Variants in PCDHGA6 observed in about 807,000 individuals in gnomAD.
The protein encoded by PCDHGA6 is protocadherin gamma subfamily A, 6.
A neutral mutation model predicts 60.6 loss-of-function variants in PCDHGA6; 41 were observed. That is an observed-to-expected ratio of 0.68 (90% CI 0.53 to 0.88). The LOEUF (loss-of-function observed/expected upper bound fraction) is 0.88, where lower values mean the gene tolerates loss of function less well. Among genes scored for constraint, PCDHGA6 ranks in the 40% least tolerant of loss-of-function variants. PCDHGA6 has a pLI of 0.00. For missense variants in PCDHGA6, 1,312 were observed against 1,203.0 expected, an observed-to-expected ratio of 1.09 and a Z score of -1.34; for synonymous variants, 594 against 524.4, an observed-to-expected ratio of 1.13 and a Z score of -1.81.
At chr5:141,501,298 C>T (rs998006748) in intron 2 of PCDHGA6, among the ~76,000 whole-genome samples, 216 of 148,422 alleles carry the variant, frequency 1.5e-3, no homozygotes, top group Admixed American at 2.4e-3. Context: ...TATACACACA[C>T]ACACACACAC....
intron 1 of PCDHGA6, chr5:141,393,025 G>A (rs1307917992): frequency 6.2e-7 from 1 of 1,613,864 alleles, no homozygotes; most frequent in Non-Finnish European, 8.5e-7. Flanking sequence ...TCCAGAGGTA[G>A]GACGCAGCTC....
At position 141,373,929 on chromosome 5, in the gene PCDHGA6, A is replaced by G; in HGVS notation, c.-155A>G. 1 of 673,706 alleles carries G rather than the reference A, an allele frequency of 1.5e-6. No individual in the cohort carries two copies. The highest frequency in any genetic ancestry group is 2.3e-6 in the Non-Finnish European group (1 of 436,340). The allele number at this position is 673,706 out of a possible 1,614,324, so 41.7% of individuals were successfully genotyped here. ...CAACAACAAAGCAAATTAGACGGGA[A>G]AGCAGGAAAGCTGTGCAGAAATTCT... On this transcript the variant is annotated 5_prime_UTR_variant, in exon 1 of 4. Transcript: ENST00000517434.
rs2099746867 is a variant in PCDHGA6, at chr5:141,493,199, C to T, written c.2425-1608C>T. Among the ~76,000 whole-genome samples the T allele has an allele frequency of 6.6e-6, 1 of 152,168 alleles. No individual in the cohort carries two copies. Among genetic ancestry groups the T allele is most frequent in the Non-Finnish European group, 1.5e-5 (1 of 68,020 alleles). ...CTTACTATATAACTCCTTTGAGAAC[C>T]TCATCTCATTTGCTCTTCCCACCAT... On this transcript the variant is annotated intron_variant, in intron 1 of 3. Coordinates refer to ENST00000517434, the MANE Select transcript of PCDHGA6 (RefSeq NM_018919.3). This position sits in a 1 kb window ranked among gnomAD's most constrained non-coding sequence, Gnocchi z 4.3.
rs1156915249 is a variant in PCDHGA6, at chr5:141,426,840, G to C, written c.2424+50333G>C. 8.8e-6 allele frequency: 4 copies of C among 456,584 alleles called. No individual in the cohort carries two copies. In the East Asian group the frequency reaches 2.8e-4, roughly 32 times the overall value. The allele number at this position is 456,584 out of a possible 1,614,324, so 28.3% of individuals were successfully genotyped here. A position where few individuals can be genotyped will look rare whatever the true frequency, so the allele number is the denominator to read the frequency against. On this transcript the variant is annotated intron_variant, in intron 1 of 3. Transcript: ENST00000517434. Reference sequence around the variant, plus strand: ...CTCTCTGATGATGGACAAGACTAAAGGCAAGAACGCTCCAGAATTAGTGCT... The same window carrying C: ...CTCTCTGATGATGGACAAGACTAAACGCAAGAACGCTCCAGAATTAGTGCT...
At chr5:141,385,391 A>G (rs1781168651) in intron 1 of PCDHGA6, 1 of 1,505,360 alleles carries the variant, frequency 6.6e-7, no homozygotes, top group Non-Finnish European at 8.9e-7. Context: ...TTATTTTGCA[A>G]AACAAATGTT....
intron 1 of PCDHGA6, chr5:141,409,266 A>G (rs1285539149): frequency 1.1e-5 from 17 of 1,613,922 alleles, no homozygotes; most frequent in Non-Finnish European, 1.4e-5. Flanking sequence ...CTCTCTGATC[A>G]GATTTTGGAG....
At chr5:141,436,486 C>A (rs2097826645) in intron 1 of PCDHGA6, among the ~76,000 whole-genome samples, 1 of 152,152 alleles carries the variant, frequency 6.6e-6, no homozygotes. Flanking sequence ...AGAAGGATAG[C>A]AGCTTTGCAA....
intron 1 of PCDHGA6, chr5:141,387,892 G>C (rs2091136247): frequency 6.5e-7 from 1 of 1,550,258 alleles, no homozygotes; most frequent in African/African-American, 1.4e-5. Context: ...GGGATGGGGA[G>C]CGGCGCCGGG....
intron 1 of PCDHGA6, chr5:141,419,312 G>A (rs35892780): frequency 1.2e-6 from 2 of 1,613,962 alleles, no homozygotes; most frequent in South Asian, 2.2e-5. Context: ...CGGGCTCAAC[G>A]GCCGTGTCTC....
chr5:141,486,728 G>T lies in PCDHGA6; in HGVS notation c.2425-8079G>T. On this transcript the variant is annotated intron_variant, in intron 1 of 3. Coordinates refer to ENST00000517434, the MANE Select transcript of PCDHGA6 (RefSeq NM_018919.3). This position sits in a 1 kb window ranked among gnomAD's most constrained non-coding sequence, Gnocchi z 5.0. Reference sequence around the variant, plus strand: ...GAACCCCCAGACAGGAGCTGTTCATGCTACTCGATCCTTTGACTATGAGCA... The same window carrying T: ...GAACCCCCAGACAGGAGCTGTTCATTCTACTCGATCCTTTGACTATGAGCA... The T allele has an allele frequency of 6.2e-7, 1 of 1,614,200 alleles. No individual in the cohort carries two copies. The highest frequency in any genetic ancestry group is 8.5e-7 in the Non-Finnish European group (1 of 1,180,052).
At chr5:141,410,006 G>T (rs1201569227) in intron 1 of PCDHGA6, 8 of 1,613,274 alleles carry the variant, frequency 5.0e-6, no homozygotes, top group Non-Finnish European at 5.1e-6. Context: ...GGGACACAAC[G>T]CCTGGCTGTC....
At chr5:141,419,253 A>G in intron 1 of PCDHGA6, 4 of 1,613,990 alleles carry the variant, frequency 2.5e-6, no homozygotes, top group South Asian at 1.1e-5. Flanking sequence ...CCAGAAAACA[A>G]CCAGCCGGGT....
Position 141,485,716 on chromosome 5 carries a change from T to C in PCDHGA6, c.2425-9091T>C. Reference sequence around the variant, plus strand: ...GCTCCAATGAACACTTTGCACTGGATGTGAAGAAGCGCAGCGACGGCAGCC... The same window carrying C: ...GCTCCAATGAACACTTTGCACTGGACGTGAAGAAGCGCAGCGACGGCAGCC... On this transcript the variant is annotated intron_variant, in intron 1 of 3. Coordinates refer to ENST00000517434, the MANE Select transcript of PCDHGA6 (RefSeq NM_018919.3). The surrounding 1 kb of genome is among the most constrained non-coding windows in gnomAD (Gnocchi z 5.7). The C allele has an allele frequency of 6.2e-7, 1 of 1,614,044 alleles. No individual in the cohort carries two copies. Among genetic ancestry groups the C allele is most frequent in the Non-Finnish European group, 8.5e-7 (1 of 1,180,002 alleles).
chr5:141,503,181 A>C (rs532503504), intron 2 of PCDHGA6, among the ~76,000 whole-genome samples: 54 of 152,060 alleles, frequency 3.6e-4, no homozygotes, highest in African/African-American at 1.3e-3. Context: ...TCTATTGTGT[A>C]ATTATTTAAA....
At chr5:141,409,325 G>A (rs2095255437) in intron 1 of PCDHGA6, 1 of 1,613,984 alleles carries the variant, frequency 6.2e-7, no homozygotes, top group Non-Finnish European at 8.5e-7. Context: ...ACGGGATCTG[G>A]ATTTCGGAGG....
Position 141,489,368 on chromosome 5 carries a change from C to T in PCDHGA6, c.2425-5439C>T, listed in dbSNP as rs889945954. The T allele has an allele frequency of 1.2e-5, 20 of 1,613,264 alleles. No homozygotes were observed. The highest frequency in any genetic ancestry group is 1.6e-5 in the Non-Finnish European group (19 of 1,179,484). On this transcript the variant is annotated intron_variant, in intron 1 of 3. Transcript: ENST00000517434. The surrounding 1 kb of genome is among the most constrained non-coding windows in gnomAD (Gnocchi z 4.5). The stretch of plus-strand genomic sequence containing the variant: ...GTGGTGGAGGAGTCTGAGCCGGGGA[C>T]GCTGGTGGGGAATGTTGCTCAGGAT...
intron 2 of PCDHGA6, among the ~76,000 whole-genome samples, chr5:141,501,838 G>A (rs888418141): frequency 6.6e-6 from 1 of 152,000 alleles, no homozygotes; most frequent in African/African-American, 2.4e-5. Flanking sequence ...CACCTGTTTG[G>A]CCCTCAACCT....
Position 141,422,832 on chromosome 5 carries a change from A to G in PCDHGA6, c.2424+46325A>G, listed in dbSNP as rs12520854. On this transcript the variant is annotated intron_variant, in intron 1 of 3. Coordinates refer to ENST00000517434, the MANE Select transcript of PCDHGA6 (RefSeq NM_018919.3). Reference sequence around the variant, plus strand: ...GAGACTTAGAACTGAGAGTGATAGCACGTGACAGCGGGGACCCGCCCCTCA... The same window carrying G: ...GAGACTTAGAACTGAGAGTGATAGCGCGTGACAGCGGGGACCCGCCCCTCA... The G allele has an allele frequency of 6.8e-3, 10,902 of 1,614,192 alleles. 60 individuals are homozygous for G. The highest frequency in any genetic ancestry group is 7.9e-3 in the Non-Finnish European group (9,294 of 1,180,036).
intron 1 of PCDHGA6, chr5:141,478,025 A>G (rs939969624): frequency 1.9e-6 from 3 of 1,614,146 alleles, no homozygotes; most frequent in Non-Finnish European, 2.5e-6. Flanking sequence ...AGTCCAAGAC[A>G]CAGATTCACC....
Sources: allele counts gnomAD v4.1 joint callset (sites outside exome capture counted in the v4.1 genomes callset), GRCh38; gene constraint gnomAD v4.1.1; non-coding constraint Gnocchi (gnomAD v3.1); transcripts MANE v1.5; gene names NCBI Gene and HGNC (gene_info 2026-07-23, HGNC 2026-07-21).